MAPK1IP1L: variants seen among roughly 807,000 people sequenced by gnomAD.
MAPK1IP1L encodes mitogen-activated protein kinase 1 interacting protein 1 like, also known as MAPK-interacting and spindle-stabilizing protein-like.
A neutral mutation model predicts 18.1 loss-of-function variants in MAPK1IP1L; 10 were observed. The observed-to-expected ratio is 0.55, with a 90% CI of 0.34 to 0.94. The LOEUF is 0.94. Among genes scored for constraint, MAPK1IP1L ranks in the 40% least tolerant of loss-of-function variants. The pLI is 0.02. For missense variants in MAPK1IP1L, 260 were observed against 318.2 expected, an observed-to-expected ratio of 0.82 and a Z score of 1.39; for synonymous variants, 115 against 117.3, an observed-to-expected ratio of 0.98 and a Z score of 0.13.
In MAPK1IP1L at chr14:55,066,548, G is replaced by C. The variant is rs2042863250; in HGVS notation, c.*1921G>C. The C allele has an allele frequency of 6.6e-6, 1 of 152,228 alleles. No homozygotes were observed. The highest frequency in any genetic ancestry group is 1.5e-5 in the Non-Finnish European group (1 of 68,050). 9.4% of individuals were successfully genotyped at this position (152,228 alleles called of 1,614,324 possible). The stretch of plus-strand genomic sequence containing the variant: ...TGTCAGTTAACCATGGAGGGATAAA[G>C]TAATGTGAAAAGTGAGATGGCTGCA... On this transcript the variant is annotated 3_prime_UTR_variant, in exon 4 of 4. Coordinates refer to ENST00000395468, the MANE Select transcript of MAPK1IP1L (RefSeq NM_144578.4).
intron 2 of MAPK1IP1L, 130 bp downstream of exon 2, chr14:55,061,831 G>T: frequency 1.5e-6 from 1 of 684,500 alleles, no homozygotes; most frequent in Non-Finnish European, 2.3e-6. Context: ...TGCACCTGTA[G>T]TCCTAGCTAC....
intron 2 of MAPK1IP1L, among the ~76,000 whole-genome samples, chr14:55,061,942 TAAATA>T (rs976624822): frequency 7.2e-5 from 11 of 152,202 alleles, no homozygotes; most frequent in Admixed American, 2.6e-4. Context: ...TGTCTATAAA[TAAATA>T]AAAGAGATGC....
chr14:55,054,080 C>T (rs923566689), intron 1 of MAPK1IP1L, among the ~76,000 whole-genome samples: 23 of 151,790 alleles, frequency 1.5e-4, no homozygotes, highest in Admixed American at 1.2e-3. Flanking sequence ...TCAAAACCCC[C>T]GTTTTTGAGT....
chr14:55,064,891 G>T lies in MAPK1IP1L; in HGVS notation c.*264G>T, dbSNP rs2042850445. 1 of 350,986 alleles carries T rather than the reference G, an allele frequency of 2.8e-6. No homozygotes were observed. The highest frequency in any genetic ancestry group is 4.7e-5 in the Admixed American group (1 of 21,170). 21.7% of individuals were successfully genotyped at this position (350,986 alleles called of 1,614,324 possible). A position where few individuals can be genotyped will look rare whatever the true frequency, so the allele number is the denominator to read the frequency against. On this transcript the variant is annotated 3_prime_UTR_variant, in exon 4 of 4. Coordinates refer to ENST00000395468, the MANE Select transcript of MAPK1IP1L (RefSeq NM_144578.4). Reference sequence around the variant, plus strand: ...GAAAGTTAAAGTGATAAAGTATATTGAATAGTTCTTTGACAGAATTTGTTT... The same window carrying T: ...GAAAGTTAAAGTGATAAAGTATATTTAATAGTTCTTTGACAGAATTTGTTT...
rs139038695 is a variant in MAPK1IP1L at position 55,063,262 on chromosome 14, C to T, written c.663C>T (p.Pro221=). Residue 221 remains proline, a synonymous_variant, in exon 3 of 4, where the codon CCC becomes CCT. Coordinates refer to ENST00000395468, the MANE Select transcript of MAPK1IP1L (RefSeq NM_144578.4). ...SYPTPGLYPT[P]SNPFQVPSGP... ...CCACACCAGGACTCTATCCTACTCC[C>T]AGTAATCCTTTCCAAGTGCCTTCAG... 17 of 1,614,080 alleles carry T rather than the reference C, an allele frequency of 1.1e-5. No individual in the cohort carries two copies. The African/African-American group carries it at 2.0e-4, about 19-fold the overall frequency.
At chr14:55,059,716 T>G (rs1290371261) in intron 1 of MAPK1IP1L, among the ~76,000 whole-genome samples, 2 of 152,216 alleles carry the variant, frequency 1.3e-5, no homozygotes, top group Non-Finnish European at 2.9e-5. Flanking sequence ...CTTAAACAAG[T>G]TAACTTGCCA....
At chr14:55,064,236 C>T (rs1311110441) in intron 3 of MAPK1IP1L, among the ~76,000 whole-genome samples, 4 of 151,106 alleles carry the variant, frequency 2.6e-5, no homozygotes, top group East Asian at 1.9e-4. Context: ...TCAAGTGATC[C>T]GCCTGCTTCA....
chr14:55,053,649 TTC>T (rs372126946), intron 1 of MAPK1IP1L, among the ~76,000 whole-genome samples: 124 of 152,266 alleles, frequency 8.1e-4, no homozygotes, highest in African/African-American at 2.8e-3. Flanking sequence ...ACCCTTCCCT[TTC>T]TCGCTATATT....
chr14:55,062,686 A>C lies in MAPK1IP1L; in HGVS notation c.87A>C (p.Gln29His). The change falls in exon 3 of 4, where the codon CAA (glutamine) becomes CAC (histidine). Residue 29 changes from glutamine (Q) to histidine (H), a missense_variant. Physicochemically the swap from Gln to His is conservative, Grantham distance 24. Coordinates refer to ENST00000395468, the MANE Select transcript of MAPK1IP1L (RefSeq NM_144578.4). ...CTGTGAGCAATACAAAACCTGGCCA[A>C]CCTCCTCAAGGCTGGCCAGGCTCCA... ...TSAVSNTKPG[Q>H]PPQGWPGSNP... 1 of 1,613,926 alleles carries C rather than the reference A, an allele frequency of 6.2e-7. No homozygotes were observed. Among genetic ancestry groups the C allele is most frequent in the Non-Finnish European group, 8.5e-7 (1 of 1,179,964 alleles).
intron 3 of MAPK1IP1L, chr14:55,064,003 C>CTTTTTTTT (rs71131249): frequency 6.6e-5 from 5 of 76,006 alleles, no homozygotes; most frequent in East Asian, 5.5e-4. Flanking sequence ...TCTGTTAACT[C>CTTTTTTTT]TTTTTTTTTT....
chr14:55,069,327 A>G lies in MAPK1IP1L; in HGVS notation c.*4700A>G, dbSNP rs573079282. On this transcript the variant is annotated 3_prime_UTR_variant, in exon 4 of 4. Coordinates refer to ENST00000395468, the MANE Select transcript of MAPK1IP1L (RefSeq NM_144578.4). ...GCCTAAAATGTGATTTGAGACATAT[A>G]CATATGTTTGTATTATAAATTGTAA... 6 of 152,780 alleles carry G rather than the reference A, an allele frequency of 3.9e-5. No individual in the cohort carries two copies. Among genetic ancestry groups the G allele is most frequent in the African/African-American group, 1.4e-4 (6 of 41,584 alleles). The allele number at this position is 152,780 out of a possible 1,614,324, so 9.5% of individuals were successfully genotyped here.
At chr14:55,055,715 G>A (rs113384378) in intron 1 of MAPK1IP1L, among the ~76,000 whole-genome samples, 1,623 of 152,228 alleles carry the variant, frequency 0.011, 32 homozygotes, top group South Asian at 0.045. Flanking sequence ...CGGATTACTT[G>A]AGGCCAGGAG....
At chr14:55,064,060 C>G (rs1180798507) in intron 3 of MAPK1IP1L, 1 of 122,248 alleles carries the variant, frequency 8.2e-6, no homozygotes, top group Non-Finnish European at 1.6e-5. Context: ...GTCACCCAGG[C>G]AAGAGTGCAG....
intron 1 of MAPK1IP1L, among the ~76,000 whole-genome samples, chr14:55,057,656 T>C (rs1207054155): frequency 2.0e-5 from 3 of 151,592 alleles, no homozygotes; most frequent in Non-Finnish European, 2.9e-5. Context: ...CTCAGGAGAC[T>C]GAGGCACGAG....
At position 55,062,752 on chromosome 14, in the gene MAPK1IP1L, T is replaced by C; in HGVS notation, c.153T>C (p.Ser51=). 6.2e-7 allele frequency: 1 copy of C among 1,614,160 alleles called. No individual in the cohort carries two copies. Among genetic ancestry groups the C allele is most frequent in the Non-Finnish European group, 8.5e-7 (1 of 1,180,032 alleles). ...CGAGTGCTCCATCTTCAGTGCCATCTGGACTCCCACCAAGTGCAACACCCT... is the reference window on the plus strand; with the variant it reads ...CGAGTGCTCCATCTTCAGTGCCATCCGGACTCCCACCAAGTGCAACACCCT... ...NNPSAPSSVP[S]GLPPSATPST... Residue 51 remains serine (S), a synonymous_variant, in exon 3 of 4, where the codon TCT becomes TCC. Coordinates refer to ENST00000395468, the MANE Select transcript of MAPK1IP1L (RefSeq NM_144578.4).
rs772367232 is a variant in MAPK1IP1L, at chr14:55,062,915, A to G, written c.316A>G (p.Thr106Ala). 8 of 1,613,588 alleles carry G rather than the reference A, an allele frequency of 5.0e-6. No individual in the cohort carries two copies. Among genetic ancestry groups the G allele is most frequent in the African/African-American group, 4.0e-5 (3 of 74,800 alleles). Residue 106 changes from threonine (T) to alanine (A), a missense_variant, in exon 3 of 4, where the codon ACT becomes GCT. Coordinates refer to ENST00000395468, the MANE Select transcript of MAPK1IP1L (RefSeq NM_144578.4). The part of the protein sequence containing the change: ...PPPGGPYPAP[T>A]VPGPGPTGPY... ...ACCTGGTGGTCCTTATCCAGCCCCAACTGTGCCGGGCCCTGGCCCCACAGG... is the reference window on the plus strand; with the variant it reads ...ACCTGGTGGTCCTTATCCAGCCCCAGCTGTGCCGGGCCCTGGCCCCACAGG...
At position 55,061,666 on chromosome 14, in the gene MAPK1IP1L, T is replaced by C. The variant is rs371449802; in HGVS notation, c.-4-14T>C. On this transcript the variant is annotated splice_polypyrimidine_tract_variant and intron_variant, in intron 1 of 3. Transcript: ENST00000395468. ...AAATTTTTCTTTCTTCCTTCATTTC[T>C]TTTCTTTTTTTAGGAAAATGTCTGA... is the stretch of plus-strand genomic sequence containing the variant. 93 of 1,547,062 alleles carry C rather than the reference T, an allele frequency of 6.0e-5. 1 individual carries two copies. Among genetic ancestry groups the C allele is most frequent in the Non-Finnish European group, 1.1e-5 (13 of 1,137,662 alleles).
Position 55,066,277 on chromosome 14 carries a change from G to A in MAPK1IP1L, c.*1650G>A, listed in dbSNP as rs1213933150. 1 of 152,192 alleles carries A rather than the reference G, an allele frequency of 6.6e-6. No individual in the cohort carries two copies. Among genetic ancestry groups the A allele is most frequent in the African/African-American group, 2.4e-5 (1 of 41,442 alleles). The allele number at this position is 152,192 out of a possible 1,614,324, so 9.4% of individuals were successfully genotyped here. A position where few individuals can be genotyped will look rare whatever the true frequency, so the allele number is the denominator to read the frequency against. ...CTAAGAAAGCAAAATGGTTACCTTT[G>A]AGAGGAACATTCAGTGTTTAATCAT... On this transcript the variant is annotated 3_prime_UTR_variant, in exon 4 of 4. Coordinates refer to ENST00000395468, the MANE Select transcript of MAPK1IP1L (RefSeq NM_144578.4).
rs1269176091 is a variant in MAPK1IP1L at position 55,067,151 on chromosome 14, G to C, written c.*2524G>C. ...GATCTCCTGACCTCGTGATCTGCCC[G>C]CCTTGGCTTCCCAAAGTGCTGGGAT... On this transcript the variant is annotated 3_prime_UTR_variant, in exon 4 of 4. Transcript: ENST00000395468. 6.8e-6 allele frequency: 1 copy of C among 146,110 alleles called. No individual in the cohort carries two copies. The highest frequency in any genetic ancestry group is 2.5e-5 in the African/African-American group (1 of 39,446). 9.1% of individuals were successfully genotyped at this position (146,110 alleles called of 1,614,324 possible).
Sources: gnomAD v4.1 joint callset for allele counts (sites outside exome capture counted in the v4.1 genomes callset) on GRCh38, gnomAD v4.1.1 for gene constraint, MANE v1.5 for transcripts, NCBI Gene and HGNC (gene_info 2026-07-23, HGNC 2026-07-21) for gene names.